The following SLC35F4 variants were observed in gnomAD, a reference collection of about 807,000 sequenced individuals.
The protein encoded by SLC35F4 is solute carrier family 35 member F4, also known as chromosome 14 open reading frame 36.
A neutral mutation model predicts 44.2 loss-of-function variants in SLC35F4; 24 were observed. That is an observed-to-expected ratio of 0.54 (90% confidence interval 0.39 to 0.76). SLC35F4 has a LOEUF of 0.76. Among genes scored for constraint, SLC35F4 ranks in the 30% least tolerant of loss-of-function variants. The pLI, the probability that SLC35F4 is intolerant of heterozygous loss-of-function variation, is 0.00. For synonymous variants in SLC35F4, 238 were observed against 223.6 expected (o/e 1.06, Z -0.57); for missense variants, 562 against 586.1 (o/e 0.96, Z 0.42).
intron 1 of SLC35F4, among the ~76,000 whole-genome samples, chr14:57,664,982 A>T (rs553265438): frequency 6.6e-6 from 1 of 152,282 alleles, no homozygotes; most frequent in Non-Finnish European, 1.5e-5. Flanking sequence ...GGCAGGAGCC[A>T]TGTGCTCCCC....
intron 1 of SLC35F4, among the ~76,000 whole-genome samples, chr14:57,912,209 C>G (rs1361006632): frequency 6.6e-6 from 1 of 151,856 alleles, no homozygotes; most frequent in East Asian, 1.9e-4. Flanking sequence ...AAAGAACCAG[C>G]TTTGGGTTAA....
At chr14:57,914,850 C>A (rs1889285847) in intron 1 of SLC35F4, among the ~76,000 whole-genome samples, 2 of 152,264 alleles carry the variant, frequency 1.3e-5, no homozygotes, top group South Asian at 4.2e-4. Flanking sequence ...GAGTTGCACA[C>A]TGGTGACCTT....
Position 57,944,391 on chromosome 14 carries a change from C to CA in SLC35F4, n.282+37521dup, listed in dbSNP as rs1006283842. ...TGAATAGTCCTATCAAGCACTCCCTCACCTGATGAATATGCTTTTACAGAG... is the reference window on the plus strand; with the variant it reads ...TGAATAGTCCTATCAAGCACTCCCTCAACCTGATGAATATGCTTTTACAGAG... On this transcript the variant is annotated intron_variant and non_coding_transcript_variant, in intron 1 of 1. Coordinates refer to the SLC35F4 transcript ENST00000556568. Among the ~76,000 whole-genome samples the CA allele has an allele frequency of 3.9e-5, 6 of 152,278 alleles. No individual in the cohort carries two copies. The East Asian group carries it at 7.7e-4, about 20-fold the overall frequency.
intron 1 of SLC35F4, among the ~76,000 whole-genome samples, chr14:57,694,619 GT>G (rs1255925230): frequency 6.6e-6 from 1 of 152,088 alleles, no homozygotes; most frequent in Non-Finnish European, 1.5e-5. Flanking sequence ...CTATCCCTCA[GT>G]TTGGGGAAAA....
intron 1 of SLC35F4, among the ~76,000 whole-genome samples, chr14:57,705,069 G>A (rs763039152): frequency 8.5e-4 from 130 of 152,116 alleles, no homozygotes; most frequent in African/African-American, 1.9e-4. Context: ...TACTAATTGC[G>A]CAATACTATA....
In SLC35F4 at chr14:57,926,895, T is replaced by C. The variant is rs191011717; in HGVS notation, n.282+55018A>G. Reference sequence around the variant, plus strand: ...CCTCACCTGAAGTGGAGCCTGCGATTCCAAAGCTGCCCTCTGGTCTCCTTT... The same window carrying C: ...CCTCACCTGAAGTGGAGCCTGCGATCCCAAAGCTGCCCTCTGGTCTCCTTT... On this transcript the variant is annotated intron_variant and non_coding_transcript_variant, in intron 1 of 1. Coordinates refer to the SLC35F4 transcript ENST00000556568. 4.7e-3 allele frequency among the ~76,000 whole-genome samples: 714 copies of C among 152,270 alleles called. 2 individuals carry two copies. The highest frequency in any genetic ancestry group is 0.016 in the African/African-American group (658 of 41,552).
intron 1 of SLC35F4, among the ~76,000 whole-genome samples, chr14:57,722,924 G>A (rs187253297): frequency 1.3e-5 from 2 of 152,274 alleles, no homozygotes; most frequent in East Asian, 3.9e-4. Flanking sequence ...GGGTTCCCTT[G>A]AGGAAGGACC....
At chr14:57,622,705 A>T (rs1302620140) in intron 1 of SLC35F4, among the ~76,000 whole-genome samples, 6 of 152,140 alleles carry the variant, frequency 3.9e-5, no homozygotes, top group Non-Finnish European at 1.5e-5. Flanking sequence ...GCATTGGGAG[A>T]TATACCTAAT....
intron 1 of SLC35F4, among the ~76,000 whole-genome samples, chr14:57,665,936 C>G (rs936228730): frequency 2.0e-5 from 3 of 152,130 alleles, no homozygotes; most frequent in Non-Finnish European, 4.4e-5. Context: ...GATGACAACA[C>G]ATGGACACAT....
intron 1 of SLC35F4, among the ~76,000 whole-genome samples, chr14:57,772,383 A>AT (rs5808942): frequency 5.9e-5 from 9 of 151,638 alleles, no homozygotes; most frequent in African/African-American, 1.7e-4. Context: ...TTTAGTTTTT[A>AT]TTTTTTTTGA....
At position 57,643,726 on chromosome 14, in the gene SLC35F4, C is replaced by G. The variant is rs142004257; in HGVS notation, c.104-49602G>C. On this transcript the variant is annotated intron_variant, in intron 1 of 7. Coordinates refer to ENST00000556826, the MANE Select transcript of SLC35F4 (RefSeq NM_001306087.2). ...TGGTGTGCTGCACCCATTAACTCCT[C>G]ATTTAGCATTAGGTATATCTCCTAA... 3.2e-3 allele frequency among the ~76,000 whole-genome samples: 494 copies of G among 152,322 alleles called. 2 individuals carry two copies. Among genetic ancestry groups the G allele is most frequent in the African/African-American group, 0.011 (460 of 41,584 alleles).
At chr14:57,630,555 C>G in intron 1 of SLC35F4, 1 of 1,091,866 alleles carries the variant, frequency 9.2e-7, no homozygotes, top group East Asian at 2.4e-5. Flanking sequence ...CATTATAAGT[C>G]TGGCTCAAGA....
chr14:57,725,249 A>G (rs1293868432), intron 1 of SLC35F4, among the ~76,000 whole-genome samples: 2 of 152,172 alleles, frequency 1.3e-5, no homozygotes. Flanking sequence ...ACATGGGCTC[A>G]GCAACATGGA....
chr14:57,606,371 A>G (rs1049613792), intron 1 of SLC35F4, among the ~76,000 whole-genome samples: 1 of 152,208 alleles, frequency 6.6e-6, no homozygotes, highest in African/African-American at 2.4e-5. Context: ...TTTAAAACTC[A>G]TATTTTAGAT....
intron 1 of SLC35F4, among the ~76,000 whole-genome samples, chr14:57,688,181 A>G (rs2075122179): frequency 6.6e-6 from 1 of 152,198 alleles, no homozygotes; most frequent in Non-Finnish European, 1.5e-5. Context: ...AAAGAAAGCA[A>G]AAAAGAGAGA....
intron 1 of SLC35F4, among the ~76,000 whole-genome samples, chr14:57,747,136 A>G (rs577634105): frequency 1.3e-5 from 2 of 152,308 alleles, no homozygotes; most frequent in South Asian, 2.1e-4. Context: ...AGTACTCCCT[A>G]AAATATTTGT....
chr14:57,819,856 A>G (rs185922214), intron 1 of SLC35F4, among the ~76,000 whole-genome samples: 2 of 151,980 alleles, frequency 1.3e-5, no homozygotes, highest in East Asian at 3.9e-4. Flanking sequence ...AACTAGCCCT[A>G]CTAAATACCA....
chr14:57,785,738 G>C (rs1288789423), intron 1 of SLC35F4, among the ~76,000 whole-genome samples: 1 of 152,188 alleles, frequency 6.6e-6, no homozygotes, highest in African/African-American at 2.4e-5. Context: ...GAAATACTGG[G>C]GAAGAGGAAG....
intron 1 of SLC35F4, among the ~76,000 whole-genome samples, chr14:57,829,300 G>A (rs1459153044): frequency 1.3e-5 from 2 of 152,220 alleles, no homozygotes; most frequent in African/African-American, 2.4e-5. Flanking sequence ...TGGCAGGAGA[G>A]AGAATGCCTA....
Sources: allele counts gnomAD v4.1 joint callset (sites outside exome capture counted in the v4.1 genomes callset), GRCh38; gene constraint gnomAD v4.1.1; transcripts MANE v1.5; gene names NCBI Gene and HGNC (gene_info 2026-07-23, HGNC 2026-07-21).